The following USP33 variants were observed in gnomAD, a reference collection of about 807,000 sequenced individuals.
The protein encoded by USP33 is ubiquitin specific peptidase 33.
Under a neutral mutation model 124.2 loss-of-function variants are expected in USP33, and 46 were observed. That is an observed-to-expected ratio of 0.37 (90% CI 0.29 to 0.47). The LOEUF is 0.47. USP33 is among the 20% of genes least tolerant of loss of function. USP33 has a pLI of 0.99. For missense variants in USP33, 851 were observed against 1,070.6 expected (o/e 0.79, Z 2.86); for synonymous variants, 350 against 352.3 (o/e 0.99, Z 0.07).
rs778027624 is a variant in USP33 at position 77,740,988 on chromosome 1, T to A, written c.136-49A>T. ...AAAATAAGGTACTTTATAATATACA[T>A]GTAAATTTATAACAGCATTACAATT... On this transcript the variant is annotated intron_variant, in intron 3 of 23. Transcript: ENST00000370794. 1.4e-5 allele frequency: 18 copies of A among 1,254,076 alleles called. 1 individual carries two copies. The South Asian group carries it at 2.6e-4, about 18-fold the overall frequency. The allele number at this position is 1,254,076 out of a possible 1,614,324, so 77.7% of individuals were successfully genotyped here.
chr1:77,734,438 G>T, intron 6 of USP33, 22 bp from the exon 7 acceptor site: 1 of 1,462,520 alleles, frequency 6.8e-7, no homozygotes. Context: ...AAATATACAT[G>T]AAGTCATCAT....
chr1:77,700,192 TG>T (rs2101157973), intron 22 of USP33, among the ~76,000 whole-genome samples: 1 of 152,320 alleles, frequency 6.6e-6, no homozygotes, highest in Non-Finnish European at 1.5e-5. Flanking sequence ...ACATGTATGC[TG>T]GAACTTACAA....
intron 15 of USP33, among the ~76,000 whole-genome samples, chr1:77,719,653 G>A (rs905886581): frequency 1.3e-5 from 2 of 151,352 alleles, no homozygotes; most frequent in African/African-American, 4.9e-5. Flanking sequence ...AGGAGTTTAA[G>A]ACCAGCCTGA....
intron 22 of USP33, among the ~76,000 whole-genome samples, chr1:77,700,477 T>C (rs562847652): frequency 6.6e-6 from 1 of 152,218 alleles, no homozygotes; most frequent in South Asian, 2.1e-4. Flanking sequence ...AGTGTGGTAG[T>C]ACATGCCTGT....
At chr1:77,711,950 A>C in intron 20 of USP33, 95 bp from the exon 21 acceptor site, 2 of 1,206,870 alleles carry the variant, frequency 1.7e-6, no homozygotes, top group Non-Finnish European at 2.3e-6. Context: ...AAATCCTCTT[A>C]ATAAAATTCT....
At chr1:77,738,372 C>T (rs541524490) in intron 5 of USP33, among the ~76,000 whole-genome samples, 1 of 152,272 alleles carries the variant, frequency 6.6e-6, no homozygotes, top group South Asian at 2.1e-4. Context: ...AAGTTAATTT[C>T]CTTTTTCCTA....
At position 77,715,627 on chromosome 1, in the gene USP33, T is replaced by C. The variant is rs1675793208; in HGVS notation, c.2045+115A>G. 8.2e-6 allele frequency: 10 copies of C among 1,219,108 alleles called. No individual in the cohort carries two copies. In the South Asian group the frequency reaches 1.3e-4, roughly 16 times the overall value. The allele number at this position is 1,219,108 out of a possible 1,614,324, so 75.5% of individuals were successfully genotyped here. ...TTCACTGTATTTTACTGTAATGAAA[T>C]AGGAGGAAAACAATTCCTAATCTTG... On this transcript the variant is annotated intron_variant, in intron 18 of 23. Transcript: ENST00000370794.
At chr1:77,744,995 C>T (rs1172364048) in intron 1 of USP33, among the ~76,000 whole-genome samples, 3 of 152,160 alleles carry the variant, frequency 2.0e-5, no homozygotes, top group Non-Finnish European at 2.9e-5. Flanking sequence ...CTTTCTGTCT[C>T]GTTGATCTGT....
chr1:77,697,823 A>C, intron 23 of USP33, 40 bp downstream of exon 23: 2 of 1,535,686 alleles, frequency 1.3e-6, no homozygotes, highest in Non-Finnish European at 1.8e-6. Context: ...ACAGTGACAA[A>C]TCACTCACAA....
chr1:77,750,593 G>A (rs973741870), intron 1 of USP33, among the ~76,000 whole-genome samples: 2 of 148,960 alleles, frequency 1.3e-5, no homozygotes, highest in African/African-American at 5.0e-5. Flanking sequence ...CTGCACTCCA[G>A]CCTGTGCAAC....
chr1:77,737,801 T>C (rs1435747179), intron 5 of USP33, among the ~76,000 whole-genome samples: 1 of 152,256 alleles, frequency 6.6e-6, no homozygotes, highest in Admixed American at 6.5e-5. Context: ...AGATAGCTTA[T>C]TTAACTTACT....
In USP33 at chr1:77,697,438, T is replaced by C. The variant is rs1287886320; in HGVS notation, c.2615A>G (p.Asn872Ser). Residue 872 changes from asparagine (N) to serine (S), a missense_variant, in exon 24 of 24, where the codon AAT (asparagine) becomes AGT (serine). Transcript: ENST00000370794. ...TCCACCATAAATAGACTGCAGAAAA[T>C]TCCATGTTTCTTCAGAAATCTGGCC... The part of the protein sequence containing the change: ...DSGQISEETW[N>S]FLQSIYGGGP... 4 of 1,606,134 alleles carry C rather than the reference T, an allele frequency of 2.5e-6. No individual in the cohort carries two copies. In the African/African-American group the frequency reaches 5.4e-5, roughly 22 times the overall value.
At chr1:77,702,701 A>C (rs897108667) in intron 21 of USP33, among the ~76,000 whole-genome samples, 5 of 152,098 alleles carry the variant, frequency 3.3e-5, no homozygotes, top group Admixed American at 6.5e-5. Flanking sequence ...ACTCAGGGCT[A>C]CCTTAGTTCT....
chr1:77,727,276 T>G (rs1677280732), intron 10 of USP33, among the ~76,000 whole-genome samples: 1 of 152,228 alleles, frequency 6.6e-6, no homozygotes, highest in Non-Finnish European at 1.5e-5. Flanking sequence ...GACTCCTGAT[T>G]TAGGTCATCC....
intron 1 of USP33, among the ~76,000 whole-genome samples, chr1:77,747,694 TTTC>T (rs1169707898): frequency 2.0e-5 from 3 of 152,170 alleles, no homozygotes; most frequent in Non-Finnish European, 4.4e-5. Context: ...AGCTTCTGAG[TTTC>T]TTATCTTCAC....
chr1:77,721,458 T>C lies in USP33; in HGVS notation c.1658-253A>G, dbSNP rs1434266645. On this transcript the variant is annotated intron_variant, in intron 14 of 23. Coordinates refer to ENST00000370794, the MANE Select transcript of USP33 (RefSeq NM_201624.3). ...AACAAAACTTACTGACTGCCTGTCA[T>C]ATGTCCAAGCAAGGTGCTAGACACA... The C allele has an allele frequency of 1.4e-5, 8 of 560,746 alleles. No individual in the cohort carries two copies. In the East Asian group the frequency reaches 1.8e-4, roughly 13 times the overall value. 34.7% of individuals were successfully genotyped at this position (560,746 alleles called of 1,614,324 possible).
chr1:77,734,162 A>G lies in USP33; in HGVS notation c.524+185T>C, dbSNP rs576107596. 1.5e-3 allele frequency among the ~76,000 whole-genome samples: 222 copies of G among 152,360 alleles called. 2 individuals are homozygous for G. Among genetic ancestry groups the G allele is most frequent in the African/African-American group, 5.1e-3 (212 of 41,584 alleles). On this transcript the variant is annotated intron_variant, in intron 7 of 23. Transcript: ENST00000370794. ...ACTACCCAGGGTTTACACAAGGACC[A>G]GCAGCCTCAAGAAACTACGGGTATA... is the stretch of plus-strand genomic sequence containing the variant.
intron 6 of USP33, 50 bp downstream of exon 6, chr1:77,736,005 TA>T: frequency 7.7e-7 from 1 of 1,306,578 alleles, no homozygotes; most frequent in Non-Finnish European, 1.0e-6. Context: ...TATGGTTTTC[TA>T]AAGAAATGGG....
chr1:77,746,059 CA>C (rs1403546107), intron 1 of USP33, among the ~76,000 whole-genome samples: 2 of 151,914 alleles, frequency 1.3e-5, no homozygotes, highest in Non-Finnish European at 2.9e-5. Context: ...AATAGAGACA[CA>C]AAAAACCCTT....
Sources: allele counts gnomAD v4.1 joint callset (sites outside exome capture counted in the v4.1 genomes callset), GRCh38; gene constraint gnomAD v4.1.1; transcripts MANE v1.5; gene names NCBI Gene and HGNC (gene_info 2026-07-23, HGNC 2026-07-21).